The following WNT11 variants were observed in gnomAD, a reference collection of about 807,000 sequenced individuals.
WNT11 encodes the protein protein Wnt-11.
A neutral mutation model predicts 35.6 loss-of-function variants in WNT11; 20 were observed. That is an observed-to-expected ratio of 0.56 (90% CI 0.40 to 0.82). The LOEUF (loss-of-function observed/expected upper bound fraction) is 0.82, where lower values mean the gene tolerates loss of function less well. Among genes scored for constraint, WNT11 ranks in the 40% least tolerant of loss-of-function variants. The pLI is 0.00. For synonymous variants in WNT11, 200 were observed against 211.9 expected (o/e 0.94, Z 0.49); for missense variants, 459 against 504.4 (o/e 0.91, Z 0.86).
chr11:76,187,226 T>G lies in WNT11; in HGVS notation c.904A>C (p.Thr302Pro). The G allele has an allele frequency of 6.2e-7, 1 of 1,603,092 alleles. No individual in the cohort carries two copies. The highest frequency in any genetic ancestry group is 1.1e-5 in the South Asian group (1 of 91,076). The change falls in exon 5 of 5, where the codon ACA (threonine) becomes CCA (proline). Residue 302 changes from threonine (T) to proline (P), a missense_variant. Thr to Pro is a conservative substitution (Grantham distance 38). Transcript: ENST00000322563. The part of the protein sequence containing the change: ...HGTQDRQCNK[T>P]SNGSDSCDLM... The stretch of plus-strand genomic sequence containing the variant: ...TCGCAGCTGTCGCTTCCGTTGGATG[T>G]CTTGTTGCACTGCCTATTGTGGGGG...
upstream of WNT11, among the ~76,000 whole-genome samples, chr11:76,209,950 C>A (rs1291439754): frequency 1.3e-5 from 2 of 151,956 alleles, no homozygotes; most frequent in Non-Finnish European, 2.9e-5. Context: ...CTCCCCCTCC[C>A]CCCGCCGCCC....
At position 76,187,204 on chromosome 11, in the gene WNT11, C is replaced by T; in HGVS notation, c.926G>A (p.Cys309Tyr). 6.2e-7 allele frequency: 1 copy of T among 1,607,426 alleles called. No homozygotes were observed. The highest frequency in any genetic ancestry group is 8.5e-7 in the Non-Finnish European group (1 of 1,179,970). The change falls in exon 5 of 5, where the codon TGC becomes TAC. Residue 309 changes from cysteine (C) to tyrosine (Y), a missense_variant. Coordinates refer to ENST00000322563, the MANE Select transcript of WNT11 (RefSeq NM_004626.3). Reference protein sequence around the residue: ...CNKTSNGSDSCDLMCCGRGYN... With the variant: ...CNKTSNGSDSYDLMCCGRGYN... ...GCCACGCCCGCAGCACATAAGGTCGCAGCTGTCGCTTCCGTTGGATGTCTT... is the reference window on the plus strand; with the variant it reads ...GCCACGCCCGCAGCACATAAGGTCGTAGCTGTCGCTTCCGTTGGATGTCTT...
At chr11:76,195,307 G>A (rs1953264196) in intron 2 of WNT11, among the ~76,000 whole-genome samples, 1 of 152,254 alleles carries the variant, frequency 6.6e-6, no homozygotes, top group African/African-American at 2.4e-5. Context: ...TAATGGGGCT[G>A]AGACGAGGTC....
In WNT11 at chr11:76,191,635, G is replaced by A. The variant is rs1053302; in HGVS notation, c.819C>T (p.Leu273=). The A allele has an allele frequency of 1.2e-5, 20 of 1,613,866 alleles. No homozygotes were observed. In the East Asian group the frequency reaches 3.3e-4, roughly 27 times the overall value. The stretch of plus-strand genomic sequence containing the variant: ...AGTCAGGTGAGCTCTGCAGATAGAC[G>A]AGTTCCGAGTCCTTCACAGGCCGGA... ...LDIRPVKDSE[L]VYLQSSPDFC... Residue 273 remains leucine (L), a synonymous_variant, in exon 4 of 5, where the codon CTC becomes CTT. Transcript: ENST00000322563.
intron 4 of WNT11, among the ~76,000 whole-genome samples, chr11:76,188,338 C>T (rs1953129338): frequency 6.6e-6 from 1 of 152,244 alleles, no homozygotes. Context: ...GACTTGCTCT[C>T]CCTACCCTAA....
intron 4 of WNT11, among the ~76,000 whole-genome samples, chr11:76,188,764 A>G (rs933156330): frequency 6.6e-6 from 1 of 152,254 alleles, no homozygotes; most frequent in African/African-American, 2.4e-5. Flanking sequence ...GGAAGAGGAA[A>G]GGCCATCTAG....
At chr11:76,190,058 G>A (rs1268014264) in intron 4 of WNT11, among the ~76,000 whole-genome samples, 2 of 151,932 alleles carry the variant, frequency 1.3e-5, no homozygotes, top group Non-Finnish European at 2.9e-5. Flanking sequence ...GCACGGGGGA[G>A]GGGAGACTGC....
chr11:76,205,543 G>T (rs1195766059), intron 1 of WNT11, among the ~76,000 whole-genome samples: 1 of 152,196 alleles, frequency 6.6e-6, no homozygotes, highest in Non-Finnish European at 1.5e-5. Context: ...TTCCCGCTCT[G>T]GTTTCTCCTC....
At chr11:76,199,469 C>A (rs1425325590) in intron 1 of WNT11, among the ~76,000 whole-genome samples, 1 of 147,334 alleles carries the variant, frequency 6.8e-6, no homozygotes, top group Non-Finnish European at 1.5e-5. Flanking sequence ...GAAACCTTGT[C>A]TACTTAAAAA....
chr11:76,206,377 G>T lies in WNT11; in HGVS notation c.31C>A (p.Leu11Met). 1 of 1,559,182 alleles carries T rather than the reference G, an allele frequency of 6.4e-7. No homozygotes were observed. MRARPQVCEA[L>M]LFALALQTGV... ...GTCTGGAGCGCCAGGGCGAAGAGCAGCGCCTCGCAGACCTGCGGCCGCGCC... is the reference window on the plus strand; with the variant it reads ...GTCTGGAGCGCCAGGGCGAAGAGCATCGCCTCGCAGACCTGCGGCCGCGCC... The change falls in exon 1 of 5, where the codon CTG becomes ATG. Residue 11 changes from leucine (L) to methionine (M), a missense_variant. Physicochemically the swap from Leu to Met is conservative, Grantham distance 15. Coordinates refer to ENST00000322563, the MANE Select transcript of WNT11 (RefSeq NM_004626.3).
intron 1 of WNT11, among the ~76,000 whole-genome samples, chr11:76,202,081 G>A (rs550169667): frequency 4.6e-5 from 7 of 152,282 alleles, no homozygotes; most frequent in South Asian, 4.2e-4. Flanking sequence ...CAGCTCGGCC[G>A]CCCACGGTGC....
chr11:76,203,139 G>A (rs532072802), intron 1 of WNT11, among the ~76,000 whole-genome samples: 237 of 152,372 alleles, frequency 1.6e-3, no homozygotes, highest in Non-Finnish European at 2.9e-3. Context: ...GCCCAGATCT[G>A]TACGCAGCCA....
upstream of WNT11, among the ~76,000 whole-genome samples, chr11:76,207,238 C>A (rs1375386252): frequency 6.6e-6 from 1 of 152,186 alleles, no homozygotes; most frequent in African/African-American, 2.4e-5. Context: ...TGGCGGGCGC[C>A]TGTAATCCCA....
upstream of WNT11, chr11:76,210,707 C>T: frequency 1.0e-6 from 1 of 980,662 alleles, no homozygotes; most frequent in South Asian, 4.7e-5. Flanking sequence ...GCTCAGCTCC[C>T]GTGGCCTGTG....
chr11:76,206,598 C>G (rs1182214472), upstream of WNT11: 17 of 1,147,902 alleles, frequency 1.5e-5, no homozygotes, highest in Non-Finnish European at 1.7e-5. Flanking sequence ...CCGGGGAGGC[C>G]GAGCGCGGCG....
chr11:76,210,395 C>G, upstream of WNT11: 1 of 980,504 alleles, frequency 1.0e-6, no homozygotes, highest in Non-Finnish European at 1.2e-6. Context: ...GAAGCGTCGT[C>G]CCCCTCGGAC....
chr11:76,194,776 A>T lies in WNT11; in HGVS notation c.388T>A (p.Cys130Ser). ...AAISHAIARA[C>S]TSGDLPGCSC... ...CAGCCGGGCAGGTCGCCGGAGGTGC[A>T]GGCCCGGGCGATGGCGTGGCTGATG... The change falls in exon 3 of 5, where the codon TGC (cysteine) becomes AGC (serine). Residue 130 changes from cysteine (C) to serine (S), a missense_variant. Cys to Ser is a moderately radical substitution (Grantham distance 112). Transcript: ENST00000322563. The surrounding 1 kb of genome is among the most constrained non-coding windows in gnomAD (Gnocchi z 5.4). The T allele has an allele frequency of 6.4e-7, 1 of 1,555,686 alleles. No homozygotes were observed. The highest frequency in any genetic ancestry group is 2.4e-5 in the East Asian group (1 of 41,756).
At chr11:76,192,702 G>A (rs1043040930) in intron 3 of WNT11, among the ~76,000 whole-genome samples, 2 of 152,242 alleles carry the variant, frequency 1.3e-5, no homozygotes. Flanking sequence ...TCTTGCCCTG[G>A]CTTCAAAAAG....
rs202079242 is a variant in WNT11, at chr11:76,187,060, G to A, written c.*5C>T. The A allele has an allele frequency of 1.1e-3, 1,757 of 1,609,264 alleles. 4 individuals carry two copies. The highest frequency in any genetic ancestry group is 1.3e-3 in the Non-Finnish European group (1,514 of 1,179,878). ...TCGCTCCTGCGTGGGGCGGAGGGCA[G>A]GGCCTCACTTGCAGACATAGCGCTC... is the stretch of plus-strand genomic sequence containing the variant. On this transcript the variant is annotated 3_prime_UTR_variant, in exon 5 of 5. Transcript: ENST00000322563.
Sources: allele counts gnomAD v4.1 joint callset (sites outside exome capture counted in the v4.1 genomes callset), GRCh38; gene constraint gnomAD v4.1.1; non-coding constraint Gnocchi (gnomAD v3.1); transcripts MANE v1.5; gene names NCBI Gene and HGNC (gene_info 2026-07-23, HGNC 2026-07-21).